The following GLRA3 variants were observed in gnomAD, a reference collection of about 807,000 sequenced individuals.
GLRA3 encodes glycine receptor alpha 3.
Under a neutral mutation model 60.4 loss-of-function variants are expected in GLRA3, and 44 were observed. The ratio of observed to expected loss-of-function variants is 0.73; its 90% CI spans 0.57 to 0.94. GLRA3 has a LOEUF of 0.94. Ranked by LOEUF, GLRA3 falls within the 40% of genes least tolerant of loss-of-function variation. The pLI is 0.00. For missense variants in GLRA3, 508 were observed against 564.6 expected, an observed-to-expected ratio of 0.90 and a Z score of 1.02; for synonymous variants, 223 against 192.9, an observed-to-expected ratio of 1.16 and a Z score of -1.29.
intron 1 of GLRA3, among the ~76,000 whole-genome samples, chr4:174,794,975 G>T (rs981728448): frequency 1.3e-5 from 2 of 151,562 alleles, no homozygotes; most frequent in African/African-American, 4.8e-5. Context: ...GTTCCAAAGA[G>T]CCTGGCATCA....
Position 174,721,841 on chromosome 4 carries a change from A to G in GLRA3, c.492-6271T>C, listed in dbSNP as rs554902379. Among the ~76,000 whole-genome samples the G allele has an allele frequency of 2.2e-3, 338 of 151,672 alleles. 4 individuals carry two copies. Among genetic ancestry groups the G allele is most frequent in the African/African-American group, 8.0e-3 (329 of 41,354 alleles). On this transcript the variant is annotated intron_variant, in intron 4 of 9. Transcript: ENST00000274093. Reference sequence around the variant, plus strand: ...TGTGTGTGTATATATATGTGTGTGTATATGTGTGTATACATATGTGTGTGT... The same window carrying G: ...TGTGTGTGTATATATATGTGTGTGTGTATGTGTGTATACATATGTGTGTGT...
intron 5 of GLRA3, among the ~76,000 whole-genome samples, chr4:174,684,711 C>A (rs923964527): frequency 6.6e-6 from 1 of 152,060 alleles, no homozygotes; most frequent in South Asian, 2.1e-4. Flanking sequence ...GTCAAATGGT[C>A]GGTATGTTAA....
intron 5 of GLRA3, among the ~76,000 whole-genome samples, chr4:174,693,782 G>A (rs957889261): frequency 6.6e-6 from 1 of 152,038 alleles, no homozygotes; most frequent in African/African-American, 2.4e-5. Flanking sequence ...CACTTAAAAG[G>A]CACAGAGTGG....
Position 174,642,674 on chromosome 4 carries a change from TA to T in GLRA3, c.*1111del. 1 of 743,294 alleles carries T rather than the reference TA, an allele frequency of 1.3e-6. No individual in the cohort carries two copies. Among genetic ancestry groups the T allele is most frequent in the South Asian group, 6.2e-5 (1 of 16,230 alleles). The allele number at this position is 743,294 out of a possible 1,614,324, so 46.0% of individuals were successfully genotyped here. ...GATTTTGAAATCATTAATTCAGAAA[TA>T]GAAAAAGAGTCCTCACTTTATAGAA... On this transcript the variant is annotated 3_prime_UTR_variant, in exon 10 of 10. Coordinates refer to ENST00000274093, the MANE Select transcript of GLRA3 (RefSeq NM_006529.4).
chr4:174,744,129 A>G (rs1159878567), intron 3 of GLRA3, among the ~76,000 whole-genome samples: 5 of 152,178 alleles, frequency 3.3e-5, no homozygotes, highest in African/African-American at 1.2e-4. Flanking sequence ...TAGGCCTGAG[A>G]GCTATGTGTC....
At chr4:174,712,139 T>C (rs971943998) in intron 5 of GLRA3, among the ~76,000 whole-genome samples, 1 of 152,152 alleles carries the variant, frequency 6.6e-6, no homozygotes, top group African/African-American at 2.4e-5. Flanking sequence ...TTTTGTATCA[T>C]CCATGGTTTC....
At chr4:174,818,207 A>T (rs187277626) in intron 1 of GLRA3, among the ~76,000 whole-genome samples, 1 of 152,314 alleles carries the variant, frequency 6.6e-6, no homozygotes, top group East Asian at 1.9e-4. Flanking sequence ...GAATTCAAGG[A>T]CAGTTAATTT....
chr4:174,707,169 T>C lies in GLRA3; in HGVS notation c.574+8319A>G, dbSNP rs147861798. Among the ~76,000 whole-genome samples, 503 of 152,296 alleles carry C rather than the reference T, an allele frequency of 3.3e-3. 2 individuals are homozygous for C. Among genetic ancestry groups the C allele is most frequent in the Middle Eastern group, 6.8e-3 (2 of 294 alleles). On this transcript the variant is annotated intron_variant, in intron 5 of 9. Coordinates refer to ENST00000274093, the MANE Select transcript of GLRA3 (RefSeq NM_006529.4). Reference sequence around the variant, plus strand: ...AATTGTTGATTTTTTTCAGTAGTAATAAATCAAGACAAATACCTGTAGTGC... The same window carrying C: ...AATTGTTGATTTTTTTCAGTAGTAACAAATCAAGACAAATACCTGTAGTGC...
intron 4 of GLRA3, among the ~76,000 whole-genome samples, chr4:174,725,932 C>G (rs1323293762): frequency 6.6e-6 from 1 of 152,244 alleles, no homozygotes; most frequent in Non-Finnish European, 1.5e-5. Context: ...TTATTAGACT[C>G]TGGCTCTTAT....
At chr4:174,715,414 T>A in intron 5 of GLRA3, 74 bp downstream of exon 5, 1 of 729,678 alleles carries the variant, frequency 1.4e-6, no homozygotes, top group South Asian at 1.7e-5. Context: ...AAATAAATTA[T>A]CCATATTAGG....
intron 7 of GLRA3, among the ~76,000 whole-genome samples, chr4:174,668,910 T>G (rs1655962258): frequency 6.6e-6 from 1 of 152,180 alleles, no homozygotes; most frequent in South Asian, 2.1e-4. Context: ...TGGTTCTTCC[T>G]TTAATAACAT....
intron 6 of GLRA3, among the ~76,000 whole-genome samples, chr4:174,680,200 CAT>C (rs1180250033): frequency 6.6e-6 from 1 of 152,014 alleles, no homozygotes; most frequent in South Asian, 2.1e-4. Flanking sequence ...GGGATACACA[CAT>C]GAACACAAAT....
intron 1 of GLRA3, among the ~76,000 whole-genome samples, chr4:174,827,933 ATTAAAT>A: frequency 6.6e-6 from 1 of 152,242 alleles, no homozygotes; most frequent in Non-Finnish European, 1.5e-5. Flanking sequence ...TAACAGTAAA[ATTAAAT>A]TTATATTGGT....
intron 6 of GLRA3, among the ~76,000 whole-genome samples, chr4:174,678,476 T>C (rs997108795): frequency 1.5e-4 from 23 of 152,298 alleles, no homozygotes; most frequent in Admixed American, 1.4e-3. Flanking sequence ...GAAAGAAAGA[T>C]GTTAAAGAGC....
intron 5 of GLRA3, among the ~76,000 whole-genome samples, chr4:174,709,287 C>A (rs1347632917): frequency 6.6e-6 from 1 of 151,956 alleles, no homozygotes; most frequent in Non-Finnish European, 1.5e-5. Context: ...AAGAACTGCA[C>A]ATAAAAATTG....
chr4:174,828,626 G>A, intron 1 of GLRA3, 115 bp downstream of exon 1: 1 of 686,184 alleles, frequency 1.5e-6, no homozygotes, highest in Non-Finnish European at 2.7e-6. Context: ...TAAATTGATT[G>A]TTTCAACAAG....
intron 1 of GLRA3, among the ~76,000 whole-genome samples, chr4:174,815,435 C>A (rs1037424007): frequency 6.6e-6 from 1 of 152,178 alleles, no homozygotes; most frequent in Non-Finnish European, 1.5e-5. Context: ...AGGGACTCTG[C>A]GTGGGGGCTC....
intron 1 of GLRA3, 129 bp downstream of exon 1, chr4:174,828,612 C>T (rs1428421170): frequency 1.5e-6 from 1 of 652,218 alleles, no homozygotes. Flanking sequence ...GAAAACAATA[C>T]GATTAAATTG....
chr4:174,637,900 T>C lies in GLRA3; in HGVS notation c.*5886A>G, dbSNP rs1373300965. ...ATCTATGTAGATAATTAATTTTATA[T>C]TTCATTATTTTATAAGCCTGAAAAT... On this transcript the variant is annotated 3_prime_UTR_variant, in exon 10 of 10. Coordinates refer to ENST00000274093, the MANE Select transcript of GLRA3 (RefSeq NM_006529.4). The C allele has an allele frequency of 6.6e-6, 1 of 152,102 alleles. No homozygotes were observed. The highest frequency in any genetic ancestry group is 1.5e-5 in the Non-Finnish European group (1 of 68,026). 9.4% of individuals were successfully genotyped at this position (152,102 alleles called of 1,614,324 possible).
Sources: allele counts gnomAD v4.1 joint callset (sites outside exome capture counted in the v4.1 genomes callset), GRCh38; gene constraint gnomAD v4.1.1; transcripts MANE v1.5; gene names NCBI Gene and HGNC (gene_info 2026-07-23, HGNC 2026-07-21).